The following RBFOX1 variants were observed in gnomAD, a reference collection of about 807,000 sequenced individuals.
RBFOX1 encodes the protein RNA binding protein fox-1 homolog 1.
In RBFOX1, 8 loss-of-function variants were observed where a neutral mutation model predicts 57.7. The observed-to-expected ratio is 0.14, with a 90% CI of 0.08 to 0.25. RBFOX1 has a LOEUF of 0.25. RBFOX1 is among the 10% of genes least tolerant of loss of function. RBFOX1 has a pLI of 1.00. For missense variants in RBFOX1, 611 were observed against 548.5 expected (o/e 1.11, Z -1.14); for synonymous variants, 326 against 222.4 (o/e 1.47, Z -4.15).
At chr16:6,858,325 T>C (rs1237651427) in intron 3 of RBFOX1, among the ~76,000 whole-genome samples, 1 of 152,194 alleles carries the variant, frequency 6.6e-6, no homozygotes, top group Non-Finnish European at 1.5e-5. Flanking sequence ...ATATCTAGCT[T>C]AGGATTTTCA....
At chr16:5,700,033 C>T (rs567606250) in intron 3 of RBFOX1, among the ~76,000 whole-genome samples, 10 of 152,168 alleles carry the variant, frequency 6.6e-5, no homozygotes, top group South Asian at 2.1e-4. Context: ...GGGGTTTTAC[C>T]GTGTTAGCCA....
At chr16:5,470,531 C>A (rs545366447) in intron 2 of RBFOX1, among the ~76,000 whole-genome samples, 1 of 152,316 alleles carries the variant, frequency 6.6e-6, no homozygotes, top group East Asian at 1.9e-4. Context: ...ACCTTTCTAT[C>A]TCAGGGCTGT....
At chr16:5,601,604 T>A (rs1390915375), downstream of RBFOX1, 2 of 152,182 alleles carry the variant, frequency 1.3e-5, no homozygotes. Flanking sequence ...ACACTCTTCA[T>A]AATCTTGAAA....
chr16:6,263,903 A>G (rs2097717012), intron 1 of RBFOX1, among the ~76,000 whole-genome samples: 1 of 152,160 alleles, frequency 6.6e-6, no homozygotes. Context: ...AGCAACATCC[A>G]CTATTACAGG....
At chr16:6,810,385 G>A (rs2154265830) in intron 3 of RBFOX1, among the ~76,000 whole-genome samples, 1 of 152,210 alleles carries the variant, frequency 6.6e-6, no homozygotes, top group Admixed American at 6.6e-5. Context: ...GAAGAGGTAG[G>A]CACATAAACT....
rs922612323 is a variant in RBFOX1 at position 5,756,072 on chromosome 16, C to G, written c.319-111231C>G. ...ATTCTTAAGCAGGTGATTCTCCTGT[C>G]TCTCCCAGTGCCTTCTAAGTCAGGC... On this transcript the variant is annotated intron_variant, in intron 3 of 19. Coordinates refer to the RBFOX1 transcript ENST00000641259. 2.0e-5 allele frequency among the ~76,000 whole-genome samples: 3 copies of G among 152,068 alleles called. No homozygotes were observed. In the East Asian group the frequency reaches 5.8e-4, roughly 29 times the overall value.
chr16:5,972,774 A>G (rs1017470583), intron 4 of RBFOX1, among the ~76,000 whole-genome samples: 13 of 152,258 alleles, frequency 8.5e-5, no homozygotes, highest in Admixed American at 4.6e-4. Context: ...ACTCCAGAGA[A>G]TCTCCTATCT....
intron 5 of RBFOX1, among the ~76,000 whole-genome samples, chr16:7,564,778 G>A (rs961914478): frequency 2.0e-5 from 3 of 148,240 alleles, no homozygotes; most frequent in South Asian, 2.2e-4. Context: ...TAAACACCTG[G>A]CCCCTTGTAC....
intron 4 of RBFOX1, among the ~76,000 whole-genome samples, chr16:7,389,027 G>C (rs1341289954): frequency 6.6e-6 from 1 of 152,302 alleles, no homozygotes; most frequent in South Asian, 2.1e-4. Context: ...GTTCTTTGGA[G>C]AGCCTGAATG....
At chr16:6,505,981 C>T (rs774239060) in intron 2 of RBFOX1, among the ~76,000 whole-genome samples, 4 of 152,130 alleles carry the variant, frequency 2.6e-5, no homozygotes, top group Non-Finnish European at 4.4e-5. Context: ...ATCACATCAT[C>T]ACAATAGCAA....
At chr16:7,416,083 C>T (rs539232309) in intron 4 of RBFOX1, among the ~76,000 whole-genome samples, 2 of 152,216 alleles carry the variant, frequency 1.3e-5, no homozygotes, top group South Asian at 4.1e-4. Flanking sequence ...TCTTATTAAA[C>T]CTCCAGCCCC....
intron 2 of RBFOX1, among the ~76,000 whole-genome samples, chr16:6,437,486 C>T (rs1306522468): frequency 6.6e-6 from 1 of 152,204 alleles, no homozygotes; most frequent in Non-Finnish European, 1.5e-5. Context: ...TCACAACCCA[C>T]TGACACTGCT....
rs2060798827 is a variant in RBFOX1, at chr16:7,630,611, C to G, written c.685C>G (p.Leu229Val). The G allele has an allele frequency of 6.2e-7, 1 of 1,614,080 alleles. No individual in the cohort carries two copies. The highest frequency in any genetic ancestry group is 8.5e-7 in the Non-Finnish European group (1 of 1,180,046). ...YSPEFYAGTV[L>V]LCQANQEGSS... is the part of the protein sequence containing the mutation. ...CTCTCTCTCTTTCGTAGGCACGGTC[C>G]TGTTGTGCCAGGCCAACCAGGAGGG... Residue 229 changes from leucine to valine, a missense_variant, in exon 11 of 16, where the codon CTG becomes GTG. Coordinates refer to ENST00000550418, the MANE Select transcript of RBFOX1 (RefSeq NM_018723.4).
chr16:5,724,942 C>A (rs1053984988), intron 3 of RBFOX1, among the ~76,000 whole-genome samples: 2 of 152,156 alleles, frequency 1.3e-5, no homozygotes, highest in Non-Finnish European at 2.9e-5. Flanking sequence ...TAACAGTCTG[C>A]GACTGGGGAA....
At chr16:6,660,233 A>C (rs1324592537) in intron 3 of RBFOX1, among the ~76,000 whole-genome samples, 2 of 151,930 alleles carry the variant, frequency 1.3e-5, no homozygotes, top group Non-Finnish European at 2.9e-5. Context: ...TTAAAAAAAA[A>C]AAAAAAAAGC....
chr16:7,442,498 A>G (rs1208726842), intron 4 of RBFOX1, among the ~76,000 whole-genome samples: 2 of 152,132 alleles, frequency 1.3e-5, no homozygotes, highest in African/African-American at 2.4e-5. Context: ...CAGGGAGGTG[A>G]GAGTGAATAA....
At chr16:6,705,695 C>G (rs771740737) in intron 3 of RBFOX1, 1 of 152,212 alleles carries the variant, frequency 6.6e-6, no homozygotes, top group African/African-American at 2.4e-5. Context: ...TAGAGTATGT[C>G]TTATAAATGA....
chr16:6,424,053 CA>C (rs1372845535), intron 2 of RBFOX1, among the ~76,000 whole-genome samples: 2 of 152,162 alleles, frequency 1.3e-5, no homozygotes, highest in Non-Finnish European at 2.9e-5. Flanking sequence ...GCCTGGCCAA[CA>C]TGGTGAAAAC....
intron 2 of RBFOX1, among the ~76,000 whole-genome samples, chr16:6,473,980 A>T (rs890644509): frequency 5.3e-5 from 8 of 152,178 alleles, no homozygotes; most frequent in Non-Finnish European, 1.2e-4. Context: ...TACTAGAGAT[A>T]GTAATCTGAC....
Sources: gnomAD v4.1 joint callset for allele counts (sites outside exome capture counted in the v4.1 genomes callset) on GRCh38, gnomAD v4.1.1 for gene constraint, MANE v1.5 for transcripts, NCBI Gene and HGNC (gene_info 2026-07-23, HGNC 2026-07-21) for gene names.